DOCK1: variants seen among roughly 807,000 people sequenced by gnomAD.
DOCK1 encodes dedicator of cytokinesis protein 1.
Under a neutral mutation model 262.7 loss-of-function variants are expected in DOCK1, and 138 were observed. That is an observed-to-expected ratio of 0.53 (90% CI 0.46 to 0.61). The LOEUF is 0.61. Ranked by LOEUF, DOCK1 falls within the 20% of genes least tolerant of loss-of-function variation. The probability of loss-of-function intolerance (pLI) is 0.00; values close to 1 mark genes in which losing one functional copy is unlikely to be tolerated. For synonymous variants in DOCK1, 866 were observed against 867.4 expected, an observed-to-expected ratio of 1.00 and a Z score of 0.03; for missense variants, 1,908 against 2,370.7, an observed-to-expected ratio of 0.80 and a Z score of 4.05.
intron 29 of DOCK1, among the ~76,000 whole-genome samples, chr10:127,332,256 A>G (rs957380630): frequency 3.3e-5 from 5 of 152,222 alleles, no homozygotes; most frequent in Non-Finnish European, 7.3e-5. Context: ...TCTTGTTGGC[A>G]TCACAGCCCA....
intron 29 of DOCK1, among the ~76,000 whole-genome samples, chr10:127,268,464 C>T (rs1214658047): frequency 2.1e-5 from 3 of 143,970 alleles, no homozygotes; most frequent in Non-Finnish European, 4.5e-5. Flanking sequence ...CGTGCCACTG[C>T]ACTCCATCCA....
intron 49 of DOCK1, among the ~76,000 whole-genome samples, chr10:127,442,336 C>A (rs889644549): frequency 2.0e-5 from 3 of 152,300 alleles, no homozygotes; most frequent in Middle Eastern, 3.4e-3. Context: ...CCACCAGGCC[C>A]CCAGACCCAG....
chr10:127,068,613 A>T (rs2046015619), intron 23 of DOCK1, among the ~76,000 whole-genome samples: 1 of 152,246 alleles, frequency 6.6e-6, no homozygotes, highest in Admixed American at 6.5e-5. Flanking sequence ...TAATTAAGAA[A>T]AATAAGAATC....
chr10:127,434,461 A>T (rs561629193), intron 48 of DOCK1, among the ~76,000 whole-genome samples: 1 of 152,260 alleles, frequency 6.6e-6, no homozygotes, highest in East Asian at 1.9e-4. Flanking sequence ...GTAAGTGAAC[A>T]GTTCGGTGGC....
chr10:126,928,897 G>T (rs1250279173), intron 1 of DOCK1, among the ~76,000 whole-genome samples: 4 of 152,240 alleles, frequency 2.6e-5, no homozygotes, highest in Admixed American at 6.5e-5. Context: ...GAGCCAGGAG[G>T]CTTGATCTGT....
In DOCK1 at chr10:127,409,317, T is replaced by G; in HGVS notation, c.4269T>G (p.Ile1423Met). The part of the protein sequence containing the change: ...DDIKNSPGQY[I>M]QCFTVKPKLD... ...TCCTTAACCCCCTCACCTCAGATATTCAGTGCTTCACAGTGAAGCCCAAAC... is the reference window on the plus strand; with the variant it reads ...TCCTTAACCCCCTCACCTCAGATATGCAGTGCTTCACAGTGAAGCCCAAAC... Residue 1423 changes from isoleucine to methionine, a missense_variant, in exon 42 of 52, where the codon ATT becomes ATG. Coordinates refer to ENST00000623213, the MANE Select transcript of DOCK1 (RefSeq NM_001290223.2). 1 of 1,613,934 alleles carries G rather than the reference T, an allele frequency of 6.2e-7. No individual in the cohort carries two copies. The highest frequency in any genetic ancestry group is 8.5e-7 in the Non-Finnish European group (1 of 1,179,862).
At chr10:127,384,437 T>G (rs2065991780) in intron 37 of DOCK1, among the ~76,000 whole-genome samples, 1 of 152,230 alleles carries the variant, frequency 6.6e-6, no homozygotes, top group African/African-American at 2.4e-5. Context: ...CACGCAGCAC[T>G]GAGACCAGAG....
Position 127,071,016 on chromosome 10 carries a change from A to G in DOCK1, c.2445+9240A>G, listed in dbSNP as rs569358465. On this transcript the variant is annotated intron_variant, in intron 23 of 51. Coordinates refer to ENST00000623213, the MANE Select transcript of DOCK1 (RefSeq NM_001290223.2). ...CTGTCTGACGTTCTGGACTATTTTG[A>G]TTTGATAAGTTTGCCCTACACACAG... Among the ~76,000 whole-genome samples, 611 of 152,060 alleles carry G rather than the reference A, an allele frequency of 4.0e-3. 1 individual carries two copies. The highest frequency in any genetic ancestry group is 0.014 in the Middle Eastern group (4 of 294).
chr10:126,925,239 A>G (rs2033598636), intron 1 of DOCK1, among the ~76,000 whole-genome samples: 1 of 152,248 alleles, frequency 6.6e-6, no homozygotes, highest in South Asian at 2.1e-4. Context: ...CTGATTTTCT[A>G]AAACACTTTT....
intron 38 of DOCK1, among the ~76,000 whole-genome samples, chr10:127,394,295 A>G (rs1565054977): frequency 7.0e-6 from 1 of 142,392 alleles, no homozygotes; most frequent in Non-Finnish European, 1.5e-5. Flanking sequence ...GCTCTGTTGT[A>G]TTTTCCCTTA....
intron 23 of DOCK1, among the ~76,000 whole-genome samples, chr10:127,105,038 G>A (rs1474043325): frequency 6.6e-6 from 1 of 152,164 alleles, no homozygotes; most frequent in African/African-American, 2.4e-5. Flanking sequence ...ATTGAATCAT[G>A]AGCAGCAGGT....
chr10:127,062,866 A>T, intron 23 of DOCK1, among the ~76,000 whole-genome samples: 1 of 152,216 alleles, frequency 6.6e-6, no homozygotes, highest in African/African-American at 2.4e-5. Context: ...CGAGCCTTCC[A>T]GTGCCCCTGT....
chr10:126,974,362 G>C (rs1238045431), intron 2 of DOCK1, among the ~76,000 whole-genome samples: 1 of 152,182 alleles, frequency 6.6e-6, no homozygotes, highest in Non-Finnish European at 1.5e-5. Context: ...CTCTTTAAAA[G>C]GGATAGTGAT....
chr10:126,947,596 AGTATTACTGTTGGTGATGG>A (rs2035596199), intron 1 of DOCK1, among the ~76,000 whole-genome samples: 1 of 112,916 alleles, frequency 8.9e-6, no homozygotes. Flanking sequence ...GGTGGTTGGT[AGTATTACTGTTGGTGATGG>A]TGGTGGTTGG....
At chr10:127,065,220 AG>A (rs1342365848) in intron 23 of DOCK1, among the ~76,000 whole-genome samples, 1 of 152,076 alleles carries the variant, frequency 6.6e-6, no homozygotes, top group Non-Finnish European at 1.5e-5. Context: ...CATGTTAGCC[AG>A]GCTGGTCTCG....
intron 3 of DOCK1, among the ~76,000 whole-genome samples, chr10:126,980,945 GTTTT>G: frequency 7.2e-6 from 1 of 139,048 alleles, no homozygotes; most frequent in East Asian, 2.1e-4. Context: ...AGGACCCTAC[GTTTT>G]TTTTTTTTTT....
At chr10:127,102,674 T>C (rs2048318301) in intron 23 of DOCK1, among the ~76,000 whole-genome samples, 1 of 152,146 alleles carries the variant, frequency 6.6e-6, no homozygotes, top group African/African-American at 2.4e-5. Context: ...ACCTCGTCTC[T>C]ACTAAAAATA....
At chr10:127,401,849 G>A (rs1472337465) in intron 38 of DOCK1, among the ~76,000 whole-genome samples, 1 of 152,188 alleles carries the variant, frequency 6.6e-6, no homozygotes, top group East Asian at 1.9e-4. Flanking sequence ...CTGGCCTTAT[G>A]TCAATTAAAC....
chr10:126,906,672 C>G (rs1209764617), intron 1 of DOCK1, among the ~76,000 whole-genome samples: 2 of 152,208 alleles, frequency 1.3e-5, no homozygotes, highest in Non-Finnish European at 2.9e-5. Context: ...GTGCCTGGCC[C>G]GTGCTGGACC....
Sources: allele counts gnomAD v4.1 joint callset (sites outside exome capture counted in the v4.1 genomes callset), GRCh38; gene constraint gnomAD v4.1.1; transcripts MANE v1.5; gene names NCBI Gene and HGNC (gene_info 2026-07-23, HGNC 2026-07-21).